Variants in CR2 observed in about 807,000 individuals in gnomAD.
The protein encoded by CR2 is complement receptor type 2.
Under a neutral mutation model 123.0 loss-of-function variants are expected in CR2, and 96 were observed. The ratio of observed to expected loss-of-function variants is 0.78; its 90% CI spans 0.66 to 0.93. CR2 has a LOEUF of 0.93. CR2 is among the 40% of genes least tolerant of loss of function. The pLI is 0.00. For missense variants in CR2, 1,258 were observed against 1,361.0 expected, an observed-to-expected ratio of 0.92 and a Z score of 1.19; for synonymous variants, 484 against 469.5, an observed-to-expected ratio of 1.03 and a Z score of -0.40.
At chr1:207,478,706 A>C (rs949394809) in intron 16 of CR2, among the ~76,000 whole-genome samples, 5 of 152,164 alleles carry the variant, frequency 3.3e-5, no homozygotes, top group African/African-American at 9.7e-5. Context: ...GTTGCTGCAT[A>C]GACCACCCTA....
chr1:207,471,969 A>T (rs1658295603), intron 9 of CR2: 1 of 229,204 alleles, frequency 4.4e-6, no homozygotes, highest in Non-Finnish European at 8.7e-6. Context: ...AGTAAAAAGG[A>T]CCAGGCACAG....
chr1:207,456,192 CT>C (rs764872256), intron 1 of CR2, among the ~76,000 whole-genome samples: 4 of 152,210 alleles, frequency 2.6e-5, no homozygotes, highest in Non-Finnish European at 4.4e-5. Flanking sequence ...CTCACACCCC[CT>C]GATTTCTCCA....
rs61759494 is a variant in CR2 at position 207,468,705 on chromosome 1, C to T, written c.624C>T (p.Pro208=). 5.6e-6 allele frequency: 9 copies of T among 1,613,870 alleles called. No homozygotes were observed. The highest frequency in any genetic ancestry group is 5.3e-5 in the African/African-American group (4 of 74,892). ...LSSGKWSAVP[P]TCEEARCKSL... ...CGGGAAAATGGAGTGCTGTCCCCCC[C>T]ACATGTGAAGGTACCCTAAATTTAC... Residue 208 remains proline (P), a synonymous_variant, in exon 3 of 20, where the codon CCC becomes CCT. Coordinates refer to ENST00000367057, the MANE Select transcript of CR2 (RefSeq NM_001006658.3).
chr1:207,458,077 C>CACACACAT (rs1558186109), intron 1 of CR2, among the ~76,000 whole-genome samples: 5 of 150,078 alleles, frequency 3.3e-5, no homozygotes, highest in African/African-American at 9.9e-5. Context: ...CACACACACA[C>CACACACAT]ACACACACAC....
chr1:207,479,926 A>G (rs1232106428), intron 17 of CR2, 52 bp from the exon 18 acceptor site: 12 of 1,353,756 alleles, frequency 8.9e-6, no homozygotes, highest in Non-Finnish European at 1.2e-5. Flanking sequence ...CAGTCAGAAC[A>G]ATGTAGGTGA....
chr1:207,457,860 A>AGAAG (rs1484474037), intron 1 of CR2, among the ~76,000 whole-genome samples: 5 of 151,760 alleles, frequency 3.3e-5, no homozygotes, highest in Non-Finnish European at 4.4e-5. Flanking sequence ...TCTTCTTCCT[A>AGAAG]AAAAACCTCA....
rs1658177571 is a variant in CR2, at chr1:207,468,729, A to C, written c.634+14A>C. ...CCACATGTGAAGGTACCCTAAATTT[A>C]CAATCTATTTTAAGAATCTGGGCTG... On this transcript the variant is annotated intron_variant, in intron 3 of 19. Coordinates refer to ENST00000367057, the MANE Select transcript of CR2 (RefSeq NM_001006658.3). The C allele has an allele frequency of 6.2e-7, 1 of 1,613,822 alleles. No individual in the cohort carries two copies. Among genetic ancestry groups the C allele is most frequent in the Admixed American group, 1.7e-5 (1 of 59,976 alleles).
chr1:207,458,077 C>CACACATACACACACACACACACACACAT (rs1553278528), intron 1 of CR2, among the ~76,000 whole-genome samples: 174 of 150,194 alleles, frequency 1.2e-3, no homozygotes, highest in African/African-American at 4.2e-3. Context: ...CACACACACA[C>CACACATACACACACACACACACACACAT]ACACACACAC....
At position 207,472,873 on chromosome 1, in the gene CR2, C is replaced by G; in HGVS notation, c.1672C>G (p.Pro558Ala). The change falls in exon 10 of 20, where the codon CCT becomes GCT. Residue 558 changes from proline (P) to alanine (A), a missense_variant. Pro to Ala is a conservative substitution (Grantham distance 27). Transcript: ENST00000367057. ...AACCACGGTCACTTACACATGTAAC[C>G]CTGGGCCAGAAAGAGGAGTGGAATT... The part of the protein sequence containing the change: ...YGTTVTYTCN[P>A]GPERGVEFSL... 6.2e-7 allele frequency: 1 copy of G among 1,613,976 alleles called. No individual in the cohort carries two copies. The highest frequency in any genetic ancestry group is 8.5e-7 in the Non-Finnish European group (1 of 1,179,956).
chr1:207,472,964 G>T lies in CR2; in HGVS notation c.1763G>T (p.Gly588Val). The change falls in exon 10 of 20, where the codon GGC becomes GTC. Residue 588 changes from glycine (G) to valine (V), a missense_variant. Gly to Val is a moderately radical substitution (Grantham distance 109, BLOSUM62 -3). Transcript: ENST00000367057. ...GATCAAGAAAGAGGCACCTGGAGTG[G>T]CCCTGCTCCCCTGTGTAAACTTTCC... ...SNDQERGTWS[G>V]PAPLCKLSLL... is the part of the protein sequence containing the mutation. 6.2e-7 allele frequency: 1 copy of T among 1,614,000 alleles called. No individual in the cohort carries two copies. Among genetic ancestry groups the T allele is most frequent in the African/African-American group, 1.3e-5 (1 of 75,008 alleles).
Position 207,466,855 on chromosome 1 carries a change from G to C in CR2, c.388G>C (p.Val130Leu). The C allele has an allele frequency of 6.2e-7, 1 of 1,611,146 alleles. No individual in the cohort carries two copies. The change falls in exon 2 of 20, where the codon GTT becomes CTT. Residue 130 changes from valine to leucine, a missense_variant. Transcript: ENST00000367057. ...TNFSMNGNKSVWCQANNMWGP... is the reference protein window; with the variant it reads ...TNFSMNGNKSLWCQANNMWGP... ...CTTCTCCATGAACGGAAACAAGTCT[G>C]TTTGGTGTCAAGCAAATAATATGTG...
At position 207,470,116 on chromosome 1, in the gene CR2, T is replaced by C. The variant is rs369637725; in HGVS notation, c.1225+14T>C. 9.2e-5 allele frequency: 149 copies of C among 1,613,012 alleles called. No individual in the cohort carries two copies. Among genetic ancestry groups the C allele is most frequent in the Non-Finnish European group, 1.1e-4 (134 of 1,179,780 alleles). Reference sequence around the variant, plus strand: ...TCTGTGAAAAGGGTGAGTGTTCCGGTACTCAGAAAAGGTGCTTCTGATTCG... The same window carrying C: ...TCTGTGAAAAGGGTGAGTGTTCCGGCACTCAGAAAAGGTGCTTCTGATTCG... On this transcript the variant is annotated intron_variant, in intron 6 of 19. Coordinates refer to ENST00000367057, the MANE Select transcript of CR2 (RefSeq NM_001006658.3).
In CR2 at chr1:207,470,997, T is replaced by C. The variant is rs749924559; in HGVS notation, c.1403T>C (p.Val468Ala). Reference sequence around the variant, plus strand: ...TTCTCATCCTAGTCTCTTTTCTTAGTGGCAGCGTGTGAAGCTACAGGAAGG... The same window carrying C: ...TTCTCATCCTAGTCTCTTTTCTTAGCGGCAGCGTGTGAAGCTACAGGAAGG... ...VWTPPVPQCK[V>A]AACEATGRQL... Residue 468 changes from valine to alanine, a missense_variant and splice_region_variant, in exon 8 of 20, where the codon GTG becomes GCG. By Grantham distance (64) the Val-to-Ala change is moderately conservative. Coordinates refer to ENST00000367057, the MANE Select transcript of CR2 (RefSeq NM_001006658.3). 1 of 1,613,868 alleles carries C rather than the reference T, an allele frequency of 6.2e-7. No individual in the cohort carries two copies.
At chr1:207,468,329 A>G in intron 2 of CR2, 198 bp from the exon 3 acceptor site, 1 of 609,290 alleles carries the variant, frequency 1.6e-6, no homozygotes, top group Non-Finnish European at 2.9e-6. Context: ...ACTTTCTTAA[A>G]CCATTATGAG....
chr1:207,472,550 G>A lies in CR2; in HGVS notation c.1571-222G>A, dbSNP rs9429774. Among the ~76,000 whole-genome samples the A allele has an allele frequency of 0.3, 45,901 of 151,972 alleles. 7,255 individuals carry two copies. Among genetic ancestry groups the A allele is most frequent in the African/African-American group, 0.38 (15,638 of 41,430 alleles). ...GGGCCTAACTAACTCCTAATGTGAT[G>A]TTGATCAACCACATTCACTTTGAAT... On this transcript the variant is annotated intron_variant, in intron 9 of 19. Transcript: ENST00000367057.
At chr1:207,472,281 T>TA (rs1189130209) in intron 9 of CR2, among the ~76,000 whole-genome samples, 1 of 151,968 alleles carries the variant, frequency 6.6e-6, no homozygotes. Context: ...GTAGAAAATT[T>TA]AAAAAACACT....
At position 207,454,582 on chromosome 1, in the gene CR2, G is replaced by C. The variant is rs1657782727; in HGVS notation, c.58+106G>C. ...CCAAAAGCGAGACGGTGGGGGCAGT[G>C]CTCGACGCGTGTCCGCCTCCCGCTA... On this transcript the variant is annotated intron_variant, in intron 1 of 19. Transcript: ENST00000367057. The surrounding 1 kb of genome is among the most constrained non-coding windows in gnomAD (Gnocchi z 4.3). The C allele has an allele frequency of 1.2e-6, 1 of 841,532 alleles. No individual in the cohort carries two copies. The highest frequency in any genetic ancestry group is 1.8e-6 in the Non-Finnish European group (1 of 557,880). The allele number at this position is 841,532 out of a possible 1,614,324, so 52.1% of individuals were successfully genotyped here.
intron 1 of CR2, among the ~76,000 whole-genome samples, chr1:207,458,345 C>T (rs1477943904): frequency 6.6e-6 from 1 of 152,012 alleles, no homozygotes; most frequent in African/African-American, 2.4e-5. Flanking sequence ...CCACTCTCTA[C>T]CCAATTGCCA....
chr1:207,477,953 C>T lies in CR2; in HGVS notation c.2971C>T (p.Gln991Ter). The T allele has an allele frequency of 6.2e-7, 1 of 1,613,924 alleles. No individual in the cohort carries two copies. Among genetic ancestry groups the T allele is most frequent in the Non-Finnish European group, 8.5e-7 (1 of 1,179,926 alleles). ...AGGGCTGGAACCAAGGAAAATGTAT[C>T]AGTATGGAGCTGTTGTAACTCTGGA... The part of the protein sequence containing the change: ...QKGLEPRKMY[Q>*]YGAVVTLECE... Residue 991 changes from glutamine (Q) to a stop codon, truncating the protein, a stop_gained, in exon 16 of 20, where the codon CAG (glutamine) becomes TAG (stop). Coordinates refer to ENST00000367057, the MANE Select transcript of CR2 (RefSeq NM_001006658.3). LOFTEE classifies it high-confidence loss of function.
Sources: allele counts gnomAD v4.1 joint callset (sites outside exome capture counted in the v4.1 genomes callset), GRCh38; gene constraint gnomAD v4.1.1; non-coding constraint Gnocchi (gnomAD v3.1); transcripts MANE v1.5; gene names NCBI Gene and HGNC (gene_info 2026-07-23, HGNC 2026-07-21).